Variants in LARGE1 observed in about 807,000 individuals in gnomAD.
The protein encoded by LARGE1 is LARGE xylosyl- and glucuronyltransferase 1.
Under a neutral mutation model 87.6 loss-of-function variants are expected in LARGE1, and 43 were observed. The ratio of observed to expected loss-of-function variants is 0.49; its 90% CI spans 0.38 to 0.63. The LOEUF (loss-of-function observed/expected upper bound fraction) is 0.63, where lower values mean the gene tolerates loss of function less well. Ranked by LOEUF, LARGE1 falls within the 30% of genes least tolerant of loss-of-function variation. LARGE1 has a pLI of 0.00. For synonymous variants in LARGE1, 434 were observed against 394.6 expected (o/e 1.10, Z -1.18); for missense variants, 802 against 1,000.2 (o/e 0.80, Z 2.67).
intron 11 of LARGE1, among the ~76,000 whole-genome samples, chr22:33,238,289 A>G (rs1425786683): frequency 6.6e-6 from 1 of 152,220 alleles, no homozygotes; most frequent in African/African-American, 2.4e-5. Flanking sequence ...AATAGAAGTT[A>G]GAGACATAGA....
intron 11 of LARGE1, among the ~76,000 whole-genome samples, chr22:33,257,612 T>C (rs1927382796): frequency 6.6e-6 from 1 of 152,064 alleles, no homozygotes; most frequent in African/African-American, 2.4e-5. Context: ...AGCCTTTAAA[T>C]AGCCCTTAAC....
intron 11 of LARGE1, among the ~76,000 whole-genome samples, chr22:33,252,293 G>T (rs1927048328): frequency 8.4e-6 from 1 of 118,604 alleles, no homozygotes; most frequent in Admixed American, 1.1e-4. Context: ...TATATATCTA[G>T]AATCCCTCCT....
At chr22:33,815,341 C>G (rs188683361) in intron 1 of LARGE1, among the ~76,000 whole-genome samples, 1 of 152,180 alleles carries the variant, frequency 6.6e-6, no homozygotes, top group East Asian at 1.9e-4. Flanking sequence ...AGCTGTTCAA[C>G]GTGAATGGCA....
intron 1 of LARGE1, among the ~76,000 whole-genome samples, chr22:33,814,718 A>C (rs904129283): frequency 9.9e-5 from 8 of 80,934 alleles, no homozygotes; most frequent in Admixed American, 4.2e-4. Context: ...CTTAAAATCA[A>C]GGTATATGTG....
chr22:33,666,213 T>C (rs888548436), intron 2 of LARGE1, among the ~76,000 whole-genome samples: 5 of 152,072 alleles, frequency 3.3e-5, no homozygotes, highest in Non-Finnish European at 5.9e-5. Context: ...ATCCAAATCA[T>C]ACCATTTTTA....
chr22:33,670,539 G>A (rs1373443877), intron 2 of LARGE1, among the ~76,000 whole-genome samples: 4 of 152,030 alleles, frequency 2.6e-5, no homozygotes, highest in African/African-American at 9.7e-5. Flanking sequence ...GGGCACCGCA[G>A]GATACTTTAA....
intron 2 of LARGE1, among the ~76,000 whole-genome samples, chr22:33,755,016 G>T (rs1481201342): frequency 6.6e-6 from 1 of 152,138 alleles, no homozygotes; most frequent in African/African-American, 2.4e-5. Context: ...CACCACACAA[G>T]TGCCCTGGGA....
At chr22:33,390,549 T>C (rs1348999045) in intron 7 of LARGE1, among the ~76,000 whole-genome samples, 7 of 152,100 alleles carry the variant, frequency 4.6e-5, no homozygotes, top group African/African-American at 2.4e-5. Flanking sequence ...CTCTTAAACA[T>C]GAATGTCACA....
chr22:33,439,777 A>G (rs2067403078), intron 6 of LARGE1, among the ~76,000 whole-genome samples: 1 of 152,026 alleles, frequency 6.6e-6, no homozygotes, highest in Non-Finnish European at 1.5e-5. Flanking sequence ...GCTGACCAAA[A>G]CTAACTCCAC....
chr22:33,293,318 C>T (rs919063249), intron 12 of LARGE1, among the ~76,000 whole-genome samples: 2 of 152,206 alleles, frequency 1.3e-5, no homozygotes, highest in African/African-American at 4.8e-5. Flanking sequence ...TGCATTACTT[C>T]TCTTAATTAT....
chr22:33,139,572 C>A, the LARGE1 span, among the ~76,000 whole-genome samples: 1 of 152,068 alleles, frequency 6.6e-6, no homozygotes, highest in Non-Finnish European at 1.5e-5. Flanking sequence ...TCTTATACCC[C>A]TCTAGTAAAT....
intron 5 of LARGE1, among the ~76,000 whole-genome samples, chr22:33,595,615 T>C (rs182954336): frequency 1.9e-4 from 29 of 152,172 alleles, no homozygotes; most frequent in African/African-American, 7.0e-4. Context: ...GTTGAAGAAA[T>C]GTAGTAGTGA....
intron 6 of LARGE1, among the ~76,000 whole-genome samples, chr22:33,449,902 G>A (rs560471982): frequency 2.3e-4 from 35 of 152,106 alleles, no homozygotes; most frequent in Admixed American, 2.0e-3. Context: ...CTCTTGCATC[G>A]AGGATGAGGC....
At chr22:33,502,654 C>T (rs985418347) in intron 6 of LARGE1, among the ~76,000 whole-genome samples, 17 of 151,978 alleles carry the variant, frequency 1.1e-4, no homozygotes, top group South Asian at 4.2e-4. Context: ...CTGCAAGCTC[C>T]GCCTCCAGGG....
chr22:33,163,498 A>G (rs1356703178), exon 12 of LARGE1: 1 of 152,234 alleles, frequency 6.6e-6, no homozygotes, highest in African/African-American at 2.4e-5. Context: ...AGGTACATTC[A>G]CTTAACAGGC....
intron 1 of LARGE1, among the ~76,000 whole-genome samples, chr22:33,829,495 C>T (rs1358607983): frequency 1.3e-5 from 2 of 152,170 alleles, no homozygotes; most frequent in Non-Finnish European, 2.9e-5. Context: ...TCGCTCATTC[C>T]TGTATCCCCG....
At chr22:33,326,144 A>G (rs1937221987) in intron 10 of LARGE1, among the ~76,000 whole-genome samples, 1 of 152,176 alleles carries the variant, frequency 6.6e-6, no homozygotes, top group African/African-American at 2.4e-5. Context: ...ATTCTTTTGC[A>G]GGGAGGTAGG....
At chr22:33,739,605 AG>A (rs2083800044) in intron 2 of LARGE1, among the ~76,000 whole-genome samples, 1 of 152,110 alleles carries the variant, frequency 6.6e-6, no homozygotes, top group Non-Finnish European at 1.5e-5. Flanking sequence ...AGGCTAAGGG[AG>A]GGAGTCAGAG....
At chr22:33,354,957 GTTTA>G (rs1370571927) in intron 9 of LARGE1, among the ~76,000 whole-genome samples, 1 of 152,092 alleles carries the variant, frequency 6.6e-6, no homozygotes, top group Non-Finnish European at 1.5e-5. Context: ...GAGCAAAAGG[GTTTA>G]TTATTACTAA....
Sources: gnomAD v4.1 joint callset for allele counts (sites outside exome capture counted in the v4.1 genomes callset) on GRCh38, gnomAD v4.1.1 for gene constraint, MANE v1.5 for transcripts, NCBI Gene and HGNC (gene_info 2026-07-23, HGNC 2026-07-21) for gene names.